The following DOK5 variants were observed in gnomAD, a reference collection of about 807,000 sequenced individuals.
The protein encoded by DOK5 is downstream of tyrosine kinase 5.
DOK5 carries 27 observed loss-of-function variants against 43.3 expected under a neutral mutation model. The observed-to-expected ratio is 0.62, with a 90% confidence interval of 0.46 to 0.86. The LOEUF (loss-of-function observed/expected upper bound fraction) is 0.86. Among genes scored for constraint, DOK5 ranks in the 40% least tolerant of loss-of-function variants. DOK5 has a pLI of 0.00. For missense variants in DOK5, 373 were observed against 392.9 expected, an observed-to-expected ratio of 0.95 and a Z score of 0.43; for synonymous variants, 146 against 140.1, an observed-to-expected ratio of 1.04 and a Z score of -0.30.
intron 1 of DOK5, among the ~76,000 whole-genome samples, chr20:54,487,701 A>G (rs538445960): frequency 5.3e-5 from 8 of 152,282 alleles, no homozygotes; most frequent in Admixed American, 4.6e-4. Flanking sequence ...CTTAGGGAAA[A>G]AACTCCCATG....
At chr20:54,626,718 G>C (rs961998473) in intron 6 of DOK5, among the ~76,000 whole-genome samples, 1 of 152,046 alleles carries the variant, frequency 6.6e-6, no homozygotes, top group African/African-American at 2.4e-5. Context: ...GATGGGTGTC[G>C]TGATGCAATT....
chr20:54,518,186 C>CAT (rs1012600254), intron 1 of DOK5, among the ~76,000 whole-genome samples: 3 of 152,030 alleles, frequency 2.0e-5, no homozygotes, highest in East Asian at 3.9e-4. Context: ...AAGTTTGTTA[C>CAT]ATATATATAC....
At chr20:54,479,334 C>G (rs545212098) in intron 1 of DOK5, among the ~76,000 whole-genome samples, 83 of 152,164 alleles carry the variant, frequency 5.5e-4, no homozygotes, top group African/African-American at 1.9e-3. Context: ...CCAGCTGTGC[C>G]CTGGGTACTG....
At chr20:54,510,660 G>C (rs987370399) in intron 1 of DOK5, among the ~76,000 whole-genome samples, 2 of 152,146 alleles carry the variant, frequency 1.3e-5, no homozygotes, top group Non-Finnish European at 2.9e-5. Context: ...CGCTCTACTG[G>C]AATGCAGTTG....
At chr20:54,561,759 G>A (rs1386661992) in intron 2 of DOK5, among the ~76,000 whole-genome samples, 3 of 152,182 alleles carry the variant, frequency 2.0e-5, no homozygotes, top group Non-Finnish European at 2.9e-5. Flanking sequence ...AGGTTCAAGC[G>A]ATTCTCCTGC....
At chr20:54,499,963 C>T (rs1034308340) in intron 1 of DOK5, among the ~76,000 whole-genome samples, 2 of 152,108 alleles carry the variant, frequency 1.3e-5, no homozygotes, top group Admixed American at 1.3e-4. Flanking sequence ...GTCCTGTAGC[C>T]AATCCTTGTA....
intron 1 of DOK5, among the ~76,000 whole-genome samples, chr20:54,542,653 A>G (rs969462732): frequency 3.3e-5 from 5 of 152,364 alleles, no homozygotes; most frequent in East Asian, 1.9e-4. Flanking sequence ...CATTTTTATT[A>G]TACGAAAAAC....
chr20:54,504,717 GA>G (rs900597390), intron 1 of DOK5, among the ~76,000 whole-genome samples: 1 of 152,202 alleles, frequency 6.6e-6, no homozygotes, highest in African/African-American at 2.4e-5. Context: ...AGACAGAAGG[GA>G]AAAGAGTGAT....
chr20:54,634,461 A>C (rs1345671985), intron 6 of DOK5, among the ~76,000 whole-genome samples: 1 of 37,514 alleles, frequency 2.7e-5, no homozygotes, highest in East Asian at 4.1e-4. Flanking sequence ...TTTTTTTTTG[A>C]GATGGAGTCT....
chr20:54,573,720 G>A (rs943394689), intron 2 of DOK5, among the ~76,000 whole-genome samples: 7 of 148,020 alleles, frequency 4.7e-5, no homozygotes, highest in Non-Finnish European at 1.0e-4. Context: ...GGATAATAAC[G>A]TTGGTTGTGC....
chr20:54,539,266 G>A (rs531642048), intron 1 of DOK5, among the ~76,000 whole-genome samples: 34 of 119,550 alleles, frequency 2.8e-4, no homozygotes, highest in Admixed American at 1.0e-3. Flanking sequence ...GCAACAGAGC[G>A]AGGCTCCATC....
chr20:54,639,277 A>C (rs1189806895), intron 6 of DOK5, among the ~76,000 whole-genome samples: 1 of 152,132 alleles, frequency 6.6e-6, no homozygotes, highest in Non-Finnish European at 1.5e-5. Context: ...CTGCACAGCC[A>C]CCATTGCCAG....
chr20:54,644,723 A>AACAAAAAAAAAACC (rs779663636), intron 7 of DOK5, among the ~76,000 whole-genome samples: 14 of 142,400 alleles, frequency 9.8e-5, no homozygotes, highest in African/African-American at 3.4e-4. Flanking sequence ...AAAAAAAAAA[A>AACAAAAAAAAAACC]ACAAAATTTA....
At chr20:54,595,170 T>C (rs969019486) in intron 5 of DOK5, among the ~76,000 whole-genome samples, 10 of 152,092 alleles carry the variant, frequency 6.6e-5, no homozygotes, top group East Asian at 1.9e-4. Flanking sequence ...TGAAACCCCA[T>C]CTCTACTAAA....
intron 2 of DOK5, among the ~76,000 whole-genome samples, chr20:54,584,014 G>A (rs1479573681): frequency 6.6e-6 from 1 of 151,830 alleles, no homozygotes; most frequent in Non-Finnish European, 1.5e-5. Context: ...GTCGAGCACG[G>A]TGGTGCACAC....
chr20:54,481,782 C>G (rs1168455285), intron 1 of DOK5, among the ~76,000 whole-genome samples: 1 of 152,218 alleles, frequency 6.6e-6, no homozygotes, highest in Non-Finnish European at 1.5e-5. Context: ...TCCCAACTCA[C>G]TGGCTGGTTA....
chr20:54,528,608 C>T (rs1326562760), intron 1 of DOK5, among the ~76,000 whole-genome samples: 3 of 152,174 alleles, frequency 2.0e-5, no homozygotes, highest in African/African-American at 7.2e-5. Flanking sequence ...CTTCTTATAT[C>T]TCCTTGGCCA....
chr20:54,558,964 T>C (rs893283350), intron 2 of DOK5, among the ~76,000 whole-genome samples: 3 of 152,134 alleles, frequency 2.0e-5, no homozygotes, highest in Non-Finnish European at 4.4e-5. Flanking sequence ...ATAATGCACA[T>C]ATAGAACAAT....
intron 1 of DOK5, among the ~76,000 whole-genome samples, chr20:54,489,036 G>A (rs575498637): frequency 2.1e-4 from 32 of 152,226 alleles, no homozygotes; most frequent in Admixed American, 8.5e-4. Flanking sequence ...GTATTCAGAT[G>A]TAAGAAGACA....
Sources: gnomAD v4.1 joint callset for allele counts (sites outside exome capture counted in the v4.1 genomes callset) on GRCh38, gnomAD v4.1.1 for gene constraint, MANE v1.5 for transcripts, NCBI Gene and HGNC (gene_info 2026-07-23, HGNC 2026-07-21) for gene names.